The following LINGO2 variants were observed in gnomAD, a reference collection of about 807,000 sequenced individuals.
LINGO2 encodes the protein leucine-rich repeat and immunoglobulin-like domain-containing nogo receptor-interacting protein 2.
A neutral mutation model predicts 30.6 loss-of-function variants in LINGO2; 14 were observed. The observed-to-expected ratio is 0.46, with a 90% CI of 0.30 to 0.72. The LOEUF is 0.72. Ranked by LOEUF, LINGO2 falls within the 30% of genes least tolerant of loss-of-function variation. The pLI is 0.07. For missense variants in LINGO2, 729 were observed against 751.7 expected (o/e 0.97, Z 0.35); for synonymous variants, 317 against 288.5 (o/e 1.10, Z -1.00).
the LINGO2 span, among the ~76,000 whole-genome samples, chr9:29,170,978 C>G: frequency 6.6e-6 from 1 of 152,094 alleles, no homozygotes; most frequent in East Asian, 1.9e-4. Flanking sequence ...CTATATCTCC[C>G]AAAATTTGAA....
intron 4 of LINGO2, among the ~76,000 whole-genome samples, chr9:28,122,086 A>G (rs2133401567): frequency 6.6e-6 from 1 of 152,304 alleles, no homozygotes; most frequent in East Asian, 1.9e-4. Context: ...AAACTAGCGC[A>G]TGATACTACT....
intron 1 of LINGO2, among the ~76,000 whole-genome samples, chr9:28,529,389 G>C (rs952565353): frequency 1.3e-5 from 2 of 152,004 alleles, no homozygotes; most frequent in Non-Finnish European, 2.9e-5. Context: ...TGGTATGTCA[G>C]GTGTCTAATA....
the LINGO2 span, among the ~76,000 whole-genome samples, chr9:28,977,300 C>T: frequency 6.6e-6 from 1 of 151,810 alleles, no homozygotes. Context: ...TGCATAAGTT[C>T]CTTTTTTAAT....
the LINGO2 span, among the ~76,000 whole-genome samples, chr9:28,769,497 TA>T: frequency 9.4e-5 from 1 of 10,624 alleles, no homozygotes; most frequent in Non-Finnish European, 1.4e-4. Context: ...TATATATATA[TA>T]TATATATATA....
intron 4 of LINGO2, among the ~76,000 whole-genome samples, chr9:28,229,109 G>C (rs976372510): frequency 6.6e-6 from 1 of 151,632 alleles, no homozygotes; most frequent in Non-Finnish European, 1.5e-5. Context: ...AAACAGGAGA[G>C]GAATTCTTTT....
chr9:28,144,587 C>G (rs895970915), intron 4 of LINGO2, among the ~76,000 whole-genome samples: 1 of 152,168 alleles, frequency 6.6e-6, no homozygotes, highest in Non-Finnish European at 1.5e-5. Flanking sequence ...AACTGGTATA[C>G]TTGATCTCCT....
At chr9:28,061,023 C>T (rs1052136915) in intron 4 of LINGO2, among the ~76,000 whole-genome samples, 2 of 151,876 alleles carry the variant, frequency 1.3e-5, no homozygotes, top group African/African-American at 4.8e-5. Context: ...GGGAAGAATC[C>T]ACAGTCGCAT....
chr9:28,268,544 C>A (rs953546758), intron 4 of LINGO2, among the ~76,000 whole-genome samples: 3 of 152,052 alleles, frequency 2.0e-5, no homozygotes, highest in African/African-American at 7.2e-5. Context: ...TTGACCCTGT[C>A]AATGAGTCCA....
chr9:28,768,864 C>G, the LINGO2 span, among the ~76,000 whole-genome samples: 17 of 152,072 alleles, frequency 1.1e-4, no homozygotes, highest in Non-Finnish European at 2.5e-4. Context: ...TAATTTCTCA[C>G]TTGCTTTATC....
chr9:28,235,476 A>G lies in LINGO2; in HGVS notation c.-87+59732T>C, dbSNP rs7025057. Among the ~76,000 whole-genome samples the G allele has an allele frequency of 7.8e-3, 1,185 of 152,274 alleles. 14 individuals carry two copies. Among genetic ancestry groups the G allele is most frequent in the African/African-American group, 0.027 (1,128 of 41,558 alleles). On this transcript the variant is annotated intron_variant, in intron 4 of 5. Coordinates refer to ENST00000379992, the Ensembl canonical transcript of LINGO2. ...CATCAACACTATCCAGGAAAATAGG[A>G]CCTCATCAAATGAATTAAACAAGGT...
chr9:28,392,228 C>G (rs1821869162), intron 2 of LINGO2, among the ~76,000 whole-genome samples: 1 of 152,068 alleles, frequency 6.6e-6, no homozygotes, highest in African/African-American at 2.4e-5. Context: ...AAATAAACAC[C>G]TTGACTATTG....
chr9:28,639,332 A>C (rs1224160733), intron 1 of LINGO2, among the ~76,000 whole-genome samples: 1 of 152,180 alleles, frequency 6.6e-6, no homozygotes, highest in African/African-American at 2.4e-5. Context: ...GATGTCTATT[A>C]GGTGCGCTTG....
the LINGO2 span, among the ~76,000 whole-genome samples, chr9:28,699,004 T>G: frequency 6.6e-6 from 1 of 151,830 alleles, no homozygotes; most frequent in African/African-American, 2.4e-5. Context: ...ATGATACCAC[T>G]GCACTCCAGC....
At chr9:29,134,504 T>C in the LINGO2 span, among the ~76,000 whole-genome samples, 1 of 152,106 alleles carries the variant, frequency 6.6e-6, no homozygotes, top group African/African-American at 2.4e-5. Flanking sequence ...TGAAACCACA[T>C]ATATAATAGC....
chr9:28,658,711 G>T (rs887922424), intron 1 of LINGO2, among the ~76,000 whole-genome samples: 4 of 151,988 alleles, frequency 2.6e-5, no homozygotes, highest in Admixed American at 2.6e-4. Flanking sequence ...TGGGGAGGAG[G>T]TTGTCCACAA....
chr9:28,658,879 T>G (rs1828471937), intron 1 of LINGO2, among the ~76,000 whole-genome samples: 1 of 152,100 alleles, frequency 6.6e-6, no homozygotes, highest in Admixed American at 6.6e-5. Flanking sequence ...ATTATTAGTT[T>G]AAGGGAAATC....
chr9:28,582,566 C>G (rs1824311331), intron 1 of LINGO2, among the ~76,000 whole-genome samples: 1 of 152,062 alleles, frequency 6.6e-6, no homozygotes, highest in African/African-American at 2.4e-5. Flanking sequence ...GACCAGGCTT[C>G]TGAGATCCAG....
chr9:29,111,046 C>A, the LINGO2 span, among the ~76,000 whole-genome samples: 1 of 152,132 alleles, frequency 6.6e-6, no homozygotes, highest in Non-Finnish European at 1.5e-5. Context: ...TGTTTGCACG[C>A]TGATTCTTTT....
At chr9:28,961,418 G>C in the LINGO2 span, among the ~76,000 whole-genome samples, 2 of 152,076 alleles carry the variant, frequency 1.3e-5, no homozygotes, top group African/African-American at 2.4e-5. Flanking sequence ...ATAATACATA[G>C]CCCATAATTG....
Sources: gnomAD v4.1 joint callset for allele counts (sites outside exome capture counted in the v4.1 genomes callset) on GRCh38, gnomAD v4.1.1 for gene constraint, MANE v1.5 for transcripts, NCBI Gene and HGNC (gene_info 2026-07-23, HGNC 2026-07-21) for gene names.